Variants in SATB1 observed in about 807,000 individuals in gnomAD.
The protein encoded by SATB1 is SATB homeobox 1.
Under a neutral mutation model 86.9 loss-of-function variants are expected in SATB1, and 11 were observed. That is an observed-to-expected ratio of 0.13 (90% CI 0.08 to 0.21). SATB1 has a LOEUF of 0.21. SATB1 is among the 10% of genes least tolerant of loss of function. The pLI is 1.00. For synonymous variants in SATB1, 357 were observed against 357.2 expected, an observed-to-expected ratio of 1.00 and a Z score of 0.01; for missense variants, 551 against 937.6, an observed-to-expected ratio of 0.59 and a Z score of 5.39.
chr3:18,393,092 T>C (rs936629538), intron 7 of SATB1, among the ~76,000 whole-genome samples: 2 of 152,028 alleles, frequency 1.3e-5, no homozygotes, highest in Non-Finnish European at 2.9e-5. Flanking sequence ...GGGATTCTCC[T>C]AGGTATGGAA....
At chr3:18,359,164 T>C (rs1253661745) in intron 9 of SATB1, among the ~76,000 whole-genome samples, 1 of 152,010 alleles carries the variant, frequency 6.6e-6, no homozygotes, top group African/African-American at 2.4e-5. Context: ...TATTTATGTT[T>C]ACCTCTTCTC....
chr3:18,382,119 G>C (rs62238549), intron 8 of SATB1, among the ~76,000 whole-genome samples: 2,549 of 152,230 alleles, frequency 0.017, 47 homozygotes, highest in African/African-American at 0.032. Context: ...TTATATCGTA[G>C]AGGGATTTCT....
intron 7 of SATB1, among the ~76,000 whole-genome samples, chr3:18,391,468 G>A (rs544383114): frequency 2.0e-5 from 3 of 151,022 alleles, no homozygotes; most frequent in East Asian, 2.0e-4. Flanking sequence ...GTGCTGGTGC[G>A]CTGCACCCAC....
At position 18,352,075 on chromosome 3, in the gene SATB1, T is replaced by C. The variant is rs201321663; in HGVS notation, c.1696A>G (p.Ile566Val). ...ACCGCGTTGCTCTCCTGTTCATAAA[T>C]GGCATCACGTTCTGGCTGAGGAAGA... ...LSLPQPERDAIYEQESNAVHH... is the reference protein window; with the variant it reads ...LSLPQPERDAVYEQESNAVHH... The change falls in exon 10 of 11, where the codon ATT becomes GTT. Residue 566 changes from isoleucine (I) to valine (V), a missense_variant. By Grantham distance (29) the Ile-to-Val change is conservative. Transcript: ENST00000338745. The surrounding 1 kb of genome is among the most constrained non-coding windows in gnomAD (Gnocchi z 4.1). 2.2e-5 allele frequency: 35 copies of C among 1,614,098 alleles called. No individual in the cohort carries two copies. The highest frequency in any genetic ancestry group is 3.4e-6 in the Non-Finnish European group (4 of 1,180,044).
intron 9 of SATB1, among the ~76,000 whole-genome samples, chr3:18,354,387 A>G (rs151258299): frequency 5.6e-4 from 86 of 152,242 alleles, no homozygotes; most frequent in Non-Finnish European, 1.0e-3. Flanking sequence ...TTTAGCTATC[A>G]TAATTGACAG....
chr3:18,444,636 CTGTCGAGT>C lies in SATB1; in HGVS notation c.-25+874_-25+881del, dbSNP rs1364158646. 1.0e-6 allele frequency: 1 copy of C among 983,322 alleles called. No homozygotes were observed. Among genetic ancestry groups the C allele is most frequent in the Non-Finnish European group, 1.2e-6 (1 of 829,406 alleles). The allele number at this position is 983,322 out of a possible 1,614,324, so 60.9% of individuals were successfully genotyped here. A position where few individuals can be genotyped will look rare whatever the true frequency, so the allele number is the denominator to read the frequency against. ...GCATGGACGTTGGGGGCGGCGGTGG[CTGTCGAGT>C]GCGGGCCTGAAACCAAGAACGGCTC... is the stretch of plus-strand genomic sequence containing the variant. On this transcript the variant is annotated intron_variant, in intron 1 of 3. Coordinates refer to the SATB1 transcript ENST00000415069. This position sits in a 1 kb window ranked among gnomAD's most constrained non-coding sequence, Gnocchi z 5.1.
chr3:18,370,100 A>G (rs1262420350), intron 9 of SATB1, among the ~76,000 whole-genome samples: 2 of 152,226 alleles, frequency 1.3e-5, no homozygotes, highest in African/African-American at 4.8e-5. Flanking sequence ...GGATCATTAA[A>G]GCAGTTTTCC....
chr3:18,401,397 T>C (rs1697258299), intron 5 of SATB1, among the ~76,000 whole-genome samples: 1 of 152,132 alleles, frequency 6.6e-6, no homozygotes, highest in African/African-American at 2.4e-5. Context: ...AAGAGATCCC[T>C]TCCCAGGTTT....
intron 5 of SATB1, among the ~76,000 whole-genome samples, chr3:18,410,557 G>C (rs188648960): frequency 2.1e-4 from 32 of 152,034 alleles, no homozygotes; most frequent in African/African-American, 7.2e-4. Context: ...CTAAATCAAA[G>C]TGTAATACTA....
intron 9 of SATB1, among the ~76,000 whole-genome samples, chr3:18,354,833 T>G (rs7432238): frequency 0.11 from 16,225 of 152,128 alleles, 2,115 homozygotes; most frequent in East Asian, 0.53. Context: ...AACAAATATT[T>G]CAGAAAAAGA....
At chr3:18,384,536 A>G (rs1228053742) in intron 8 of SATB1, among the ~76,000 whole-genome samples, 1 of 151,966 alleles carries the variant, frequency 6.6e-6, no homozygotes, top group Non-Finnish European at 1.5e-5. Context: ...TTAGTATTGC[A>G]GATTAAGTGA....
chr3:18,407,109 G>A (rs1697577660), intron 5 of SATB1, among the ~76,000 whole-genome samples: 2 of 152,014 alleles, frequency 1.3e-5, no homozygotes, highest in Admixed American at 6.6e-5. Context: ...GAGTACAGGC[G>A]AAGTTAGTTA....
chr3:18,418,607 T>C (rs1698235434), intron 2 of SATB1, among the ~76,000 whole-genome samples: 1 of 152,152 alleles, frequency 6.6e-6, no homozygotes, highest in African/African-American at 2.4e-5. Context: ...ACAGCAAAAA[T>C]AGCAATATGC....
chr3:18,423,683 C>A lies in SATB1; in HGVS notation c.-81G>T, dbSNP rs1698501259. ...AAAACAAAGGAGATTTCCTTTGCAG[C>A]CCGGGTTCTTGAAGAGAAGTTCAAG... On this transcript the variant is annotated 5_prime_UTR_variant, in exon 1 of 11. Transcript: ENST00000338745. 1.3e-5 allele frequency: 2 copies of A among 150,834 alleles called. No homozygotes were observed. Among genetic ancestry groups the A allele is most frequent in the South Asian group, 4.2e-4 (2 of 4,776 alleles). The allele number at this position is 150,834 out of a possible 1,614,324, so 9.3% of individuals were successfully genotyped here.
At chr3:18,426,590 A>T (rs1005034748), upstream of SATB1, among the ~76,000 whole-genome samples, 2 of 152,238 alleles carry the variant, frequency 1.3e-5, no homozygotes, top group Non-Finnish European at 2.9e-5. This position sits in a 1 kb window ranked among gnomAD's most constrained non-coding sequence, Gnocchi z 4.2. Flanking sequence ...ATTACAATGT[A>T]ACCCAAAATA....
rs1694201729 is a variant in SATB1, at chr3:18,348,922, T to G, written c.*248A>C. On this transcript the variant is annotated 3_prime_UTR_variant, in exon 11 of 11. Coordinates refer to ENST00000338745, the MANE Select transcript of SATB1 (RefSeq NM_002971.6). Reference sequence around the variant, plus strand: ...GGGGTACACACTTTGGTGCATCCCGTGAACACAAATTTTAATACCAAACAA... The same window carrying G: ...GGGGTACACACTTTGGTGCATCCCGGGAACACAAATTTTAATACCAAACAA... 3.6e-6 allele frequency: 2 copies of G among 562,800 alleles called. No homozygotes were observed. The highest frequency in any genetic ancestry group is 3.8e-5 in the African/African-American group (2 of 53,034). The allele number at this position is 562,800 out of a possible 1,614,324, so 34.9% of individuals were successfully genotyped here. A position where few individuals can be genotyped will look rare whatever the true frequency, so the allele number is the denominator to read the frequency against.
At chr3:18,351,201 G>T in intron 10 of SATB1, 1 of 843,252 alleles carries the variant, frequency 1.2e-6, no homozygotes, top group Non-Finnish European at 1.9e-6. Context: ...CTCTGCCCAA[G>T]ACCATGGTTA....
chr3:18,354,096 A>C (rs1477149065), intron 9 of SATB1, among the ~76,000 whole-genome samples: 1 of 152,162 alleles, frequency 6.6e-6, no homozygotes. Context: ...TTTCAGCTCT[A>C]TTTATGTGAA....
At chr3:18,357,436 T>A (rs1340579481) in intron 9 of SATB1, among the ~76,000 whole-genome samples, 1 of 151,850 alleles carries the variant, frequency 6.6e-6, no homozygotes, top group East Asian at 1.9e-4. Context: ...AGCTAGCAAT[T>A]TATCATTCAG....
Sources: gnomAD v4.1 joint callset for allele counts (sites outside exome capture counted in the v4.1 genomes callset) on GRCh38, gnomAD v4.1.1 for gene constraint, Gnocchi (gnomAD v3.1) non-coding constraint, MANE v1.5 for transcripts, NCBI Gene and HGNC (gene_info 2026-07-23, HGNC 2026-07-21) for gene names.